The following CTCF variants were observed in gnomAD, a reference collection of about 807,000 sequenced individuals.
CTCF encodes the protein transcriptional repressor CTCF.
A neutral mutation model predicts 72.3 loss-of-function variants in CTCF; 7 were observed. The ratio of observed to expected loss-of-function variants is 0.10; its 90% confidence interval spans 0.06 to 0.18. The LOEUF (loss-of-function observed/expected upper bound fraction) is 0.18. Ranked by LOEUF, CTCF falls within the 10% of genes least tolerant of loss-of-function variation. The pLI is 1.00. For missense variants in CTCF, 516 were observed against 949.1 expected (o/e 0.54, Z 6.00); for synonymous variants, 374 against 315.8 (o/e 1.18, Z -1.95).
At chr16:67,613,826 A>C (rs1167463790) in intron 4 of CTCF, among the ~76,000 whole-genome samples, 5 of 152,170 alleles carry the variant, frequency 3.3e-5, no homozygotes, top group African/African-American at 1.2e-4. Flanking sequence ...GGACTTCCCA[A>C]GATGGGTGTG....
chr16:67,587,639 C>CAG (rs1462305849), intron 2 of CTCF, among the ~76,000 whole-genome samples: 4 of 151,532 alleles, frequency 2.6e-5, no homozygotes, highest in Non-Finnish European at 5.9e-5. Context: ...TCAAGGCTTA[C>CAG]TCTGCTTGGC....
At chr16:67,616,125 G>A (rs2052128650) in intron 4 of CTCF, 1 of 152,500 alleles carries the variant, frequency 6.6e-6, no homozygotes, top group Admixed American at 6.5e-5. Flanking sequence ...AATGATCACA[G>A]CATATTAGAC....
At chr16:67,566,966 C>G (rs2051350988) in intron 1 of CTCF, among the ~76,000 whole-genome samples, 1 of 152,020 alleles carries the variant, frequency 6.6e-6, no homozygotes, top group African/African-American at 2.4e-5. Flanking sequence ...GCCTCCACCT[C>G]CCTGGCTCAA....
At chr16:67,578,927 G>T (rs983981750) in intron 2 of CTCF, among the ~76,000 whole-genome samples, 2 of 143,920 alleles carry the variant, frequency 1.4e-5, no homozygotes, top group African/African-American at 5.2e-5. Flanking sequence ...CAGCCTGGGG[G>T]ACAAGAGCAA....
chr16:67,604,281 T>C (rs553364745), intron 2 of CTCF, among the ~76,000 whole-genome samples: 35 of 152,078 alleles, frequency 2.3e-4, no homozygotes, highest in Admixed American at 6.6e-4. Context: ...TGCACTCCAG[T>C]CTGGGCAACA....
At chr16:67,604,344 TTTTG>T (rs1176788348) in intron 2 of CTCF, among the ~76,000 whole-genome samples, 1 of 151,776 alleles carries the variant, frequency 6.6e-6, no homozygotes, top group African/African-American at 2.4e-5. Context: ...TTTGTTTTTG[TTTTG>T]TTTGTTTGTT....
At chr16:67,580,345 G>A (rs182372109) in intron 2 of CTCF, among the ~76,000 whole-genome samples, 1 of 152,082 alleles carries the variant, frequency 6.6e-6, no homozygotes, top group East Asian at 1.9e-4. Flanking sequence ...GAGTAGCTAG[G>A]AGTGTAGGTG....
At chr16:67,631,688 C>A (rs1233519870) in intron 10 of CTCF, among the ~76,000 whole-genome samples, 1 of 120,178 alleles carries the variant, frequency 8.3e-6, no homozygotes, top group Non-Finnish European at 1.7e-5. Context: ...CCACCCCCCC[C>A]CCCTTTTTTT....
intron 2 of CTCF, among the ~76,000 whole-genome samples, chr16:67,578,196 T>A (rs1423295525): frequency 6.6e-6 from 1 of 152,120 alleles, no homozygotes; most frequent in East Asian, 1.9e-4. Flanking sequence ...AAAATGTTAA[T>A]AATGAAAAGT....
At chr16:67,596,634 G>A (rs1258946653) in intron 2 of CTCF, among the ~76,000 whole-genome samples, 1 of 151,838 alleles carries the variant, frequency 6.6e-6, no homozygotes, top group East Asian at 1.9e-4. Context: ...ACCCAGGCTG[G>A]AATGCAGTGG....
At chr16:67,575,565 C>G (rs1016318216) in intron 2 of CTCF, among the ~76,000 whole-genome samples, 13 of 152,008 alleles carry the variant, frequency 8.6e-5, no homozygotes, top group African/African-American at 3.1e-4. Flanking sequence ...CTGCCTCAGC[C>G]TCCTGAATAG....
rs761420338 is a variant in CTCF at position 67,628,420 on chromosome 16, C to T, written c.1569C>T (p.Tyr523=). 5.0e-5 allele frequency: 81 copies of T among 1,614,104 alleles called. No homozygotes were observed. Among genetic ancestry groups the T allele is most frequent in the Middle Eastern group, 1.6e-4 (1 of 6,084 alleles). Residue 523 remains tyrosine (Y), a synonymous_variant, in exon 9 of 12, where the codon TAC becomes TAT. Transcript: ENST00000264010. The part of the protein sequence containing the change: ...HKRTHTGEKP[Y]ACSHCDKTFR... ...GCACCCACACCGGGGAGAAGCCTTA[C>T]GCCTGCAGCCACTGCGATAAGACCT...
chr16:67,585,107 A>G (rs1239465136), intron 2 of CTCF, among the ~76,000 whole-genome samples: 6 of 152,152 alleles, frequency 3.9e-5, no homozygotes, highest in Non-Finnish European at 8.8e-5. Context: ...GTGCAGTGGC[A>G]CAATCTTGGC....
chr16:67,599,894 G>A (rs565562114), intron 2 of CTCF, among the ~76,000 whole-genome samples: 2 of 152,222 alleles, frequency 1.3e-5, no homozygotes, highest in African/African-American at 4.8e-5. Flanking sequence ...GTGAAACTGG[G>A]ATTGCAGATA....
chr16:67,572,958 C>A (rs921448316), intron 2 of CTCF, among the ~76,000 whole-genome samples: 31 of 134,490 alleles, frequency 2.3e-4, no homozygotes, highest in African/African-American at 8.5e-4. Flanking sequence ...CCCCCCCCCC[C>A]AAAACAACAA....
At chr16:67,569,427 G>A (rs766869370) in intron 1 of CTCF, among the ~76,000 whole-genome samples, 4 of 151,686 alleles carry the variant, frequency 2.6e-5, no homozygotes, top group African/African-American at 4.8e-5. Flanking sequence ...CTCGTGATCC[G>A]CCCGCTTTGG....
At position 67,629,534 on chromosome 16, in the gene CTCF, G is replaced by T; in HGVS notation, c.1837+1G>T. 1 of 1,612,808 alleles carries T rather than the reference G, an allele frequency of 6.2e-7. No homozygotes were observed. The highest frequency in any genetic ancestry group is 8.5e-7 in the Non-Finnish European group (1 of 1,179,600). Reference sequence around the variant, plus strand: ...AAGAAAGAAGATTCCTCTGACAGTGGTAAGTGACTTGTTCCTTGATTTGCT... The same window carrying T: ...AAGAAAGAAGATTCCTCTGACAGTGTTAAGTGACTTGTTCCTTGATTTGCT... On this transcript the variant is annotated splice_donor_variant, in intron 10 of 11. Coordinates refer to ENST00000264010, the MANE Select transcript of CTCF (RefSeq NM_006565.4). LOFTEE classifies it high-confidence loss of function.
intron 5 of CTCF, among the ~76,000 whole-genome samples, chr16:67,618,131 A>G (rs184975544): frequency 3.2e-4 from 48 of 152,190 alleles, no homozygotes; most frequent in African/African-American, 1.1e-3. Context: ...TAGGCTGGGC[A>G]TGGTGGCTCA....
intron 11 of CTCF, among the ~76,000 whole-genome samples, chr16:67,637,478 G>A (rs892090662): frequency 6.6e-6 from 1 of 152,220 alleles, no homozygotes; most frequent in African/African-American, 2.4e-5. Flanking sequence ...GTTGCAGTGA[G>A]CTGAGATCAT....
Sources: allele counts gnomAD v4.1 joint callset (sites outside exome capture counted in the v4.1 genomes callset), GRCh38; gene constraint gnomAD v4.1.1; transcripts MANE v1.5; gene names NCBI Gene and HGNC (gene_info 2026-07-23, HGNC 2026-07-21).